The following HMCN2 variants were observed in gnomAD, a reference collection of about 807,000 sequenced individuals.
HMCN2 encodes hemicentin 2.
Under a neutral mutation model 377.5 loss-of-function variants are expected in HMCN2, and 325 were observed. That is an observed-to-expected ratio of 0.86 (90% confidence interval 0.79 to 0.94). The LOEUF (loss-of-function observed/expected upper bound fraction) is 0.94. Among genes scored for constraint, HMCN2 ranks in the 40% least tolerant of loss-of-function variants. The probability of loss-of-function intolerance (pLI) is 0.00; values close to 1 mark genes in which losing one functional copy is unlikely to be tolerated. For synonymous variants in HMCN2, 2,007 were observed against 2,046.8 expected (o/e 0.98, Z 0.53); for missense variants, 4,543 against 4,725.3 (o/e 0.96, Z 1.13).
chr9:130,323,932 C>T (rs1837983896), intron 19 of HMCN2, among the ~76,000 whole-genome samples: 1 of 152,118 alleles, frequency 6.6e-6, no homozygotes, highest in African/African-American at 2.4e-5. Context: ...AAACTCCTGA[C>T]CTCAGGTGAT....
chr9:130,339,688 T>C (rs1838947483), intron 23 of HMCN2, among the ~76,000 whole-genome samples: 2 of 152,220 alleles, frequency 1.3e-5, no homozygotes, highest in African/African-American at 2.4e-5. Context: ...GAAGCTGTTA[T>C]TGTTTTCAGC....
At chr9:130,345,860 C>T (rs1461900725) in intron 25 of HMCN2, among the ~76,000 whole-genome samples, 12 of 151,908 alleles carry the variant, frequency 7.9e-5, no homozygotes, top group African/African-American at 2.2e-4. Flanking sequence ...TTACGGTGGG[C>T]GGTCAGGGTA....
At chr9:130,382,059 T>C in intron 54 of HMCN2, 125 bp from the exon 55 acceptor site, 1 of 228,374 alleles carries the variant, frequency 4.4e-6, no homozygotes, top group Non-Finnish European at 7.3e-6. Flanking sequence ...CCGATTCTCC[T>C]CATTTCACAG....
In HMCN2 at chr9:130,403,858, C is replaced by T. The variant is rs751970961; in HGVS notation, c.12131C>T (p.Thr4044Met). Residue 4044 changes from threonine to methionine, a missense_variant, in exon 80 of 98, where the codon ACG becomes ATG. By Grantham distance (81) the Thr-to-Met change is moderately conservative. Coordinates refer to ENST00000683500, the MANE Select transcript of HMCN2 (RefSeq NM_001291815.2). ...KNSAGSAMGK[T>M]RLVVQVPPVI... ...AGTGCGGGCAGTGCCATGGGGAAGA[C>T]GCGGCTGGTGGTGCAAGGTGGGAGT... 21 of 1,289,306 alleles carry T rather than the reference C, an allele frequency of 1.6e-5. No homozygotes were observed. Among genetic ancestry groups the T allele is most frequent in the Middle Eastern group, 2.1e-4 (1 of 4,712 alleles). The allele number at this position is 1,289,306 out of a possible 1,614,324, so 79.9% of individuals were successfully genotyped here. A position where few individuals can be genotyped will look rare whatever the true frequency, so the allele number is the denominator to read the frequency against.
At chr9:130,384,584 A>G in intron 58 of HMCN2, 50 bp downstream of exon 58, 5 of 1,302,828 alleles carry the variant, frequency 3.8e-6, no homozygotes, top group Non-Finnish European at 5.1e-6. Flanking sequence ...ATGGGGAGAG[A>G]GTTGCTCCCC....
At position 130,358,865 on chromosome 9, in the gene HMCN2, G is replaced by A. The variant is rs552786315; in HGVS notation, c.5677+379G>A. 1.1e-4 allele frequency among the ~76,000 whole-genome samples: 17 copies of A among 152,240 alleles called. No individual in the cohort carries two copies. The East Asian group carries it at 2.5e-3, about 23-fold the overall frequency. On this transcript the variant is annotated intron_variant, in intron 36 of 97. Transcript: ENST00000683500. ...ATTTTTTTGTATTTTTAGTAGCGAC[G>A]GGGTTTCACCGTGTTGGCCAGGATG... is the stretch of plus-strand genomic sequence containing the variant.
chr9:130,380,132 G>A (rs1017148749), intron 54 of HMCN2, among the ~76,000 whole-genome samples: 2 of 152,260 alleles, frequency 1.3e-5, no homozygotes, highest in African/African-American at 4.8e-5. Flanking sequence ...GTCTCGGATC[G>A]GCCTCCCAAC....
intron 4 of HMCN2, among the ~76,000 whole-genome samples, chr9:130,293,002 C>A (rs909095074): frequency 1.1e-5 from 1 of 90,568 alleles, no homozygotes; most frequent in Non-Finnish European, 3.0e-5. Context: ...ATCTATCTAC[C>A]TACCTACCTG....
Position 130,384,425 on chromosome 9 carries a change from C to T in HMCN2, c.8883C>T (p.Asn2961=). Residue 2961 remains asparagine (N), a synonymous_variant, in exon 58 of 98, where the codon AAC becomes AAT. Coordinates refer to ENST00000683500, the MANE Select transcript of HMCN2 (RefSeq NM_001291815.2). ...LDLEQVTAIL[N]SSVSLPCDVH... is the part of the protein sequence containing the mutation. Reference sequence around the variant, plus strand: ...TGGAGCAGGTCACTGCCATCCTCAACAGCAGCGTCTCCCTCCCTTGCGACG... The same window carrying T: ...TGGAGCAGGTCACTGCCATCCTCAATAGCAGCGTCTCCCTCCCTTGCGACG... 1 of 1,303,890 alleles carries T rather than the reference C, an allele frequency of 7.7e-7. No homozygotes were observed. The highest frequency in any genetic ancestry group is 1.0e-6 in the Non-Finnish European group (1 of 988,930). The allele number at this position is 1,303,890 out of a possible 1,614,324, so 80.8% of individuals were successfully genotyped here.
rs756132072 is a variant in HMCN2, at chr9:130,414,266, G to A, written c.12961+3614G>A. On this transcript the variant is annotated intron_variant, in intron 85 of 97. Transcript: ENST00000683500. This position sits in a 1 kb window ranked among gnomAD's most constrained non-coding sequence, Gnocchi z 4.4. The stretch of plus-strand genomic sequence containing the variant: ...TGTGGCCAGGTGGGCAGCGAGGGTA[G>A]TGCCAGCAGAGGCCCGGTGTGGGCG... Among the ~76,000 whole-genome samples, 14 of 152,192 alleles carry A rather than the reference G, an allele frequency of 9.2e-5. No individual in the cohort carries two copies. Among genetic ancestry groups the A allele is most frequent in the African/African-American group, 1.9e-4 (8 of 41,444 alleles).
At chr9:130,273,571 C>T (rs1307999415) in intron 1 of HMCN2, among the ~76,000 whole-genome samples, 8 of 151,956 alleles carry the variant, frequency 5.3e-5, no homozygotes, top group Non-Finnish European at 8.8e-5. Flanking sequence ...AGTCTCAGCT[C>T]ACTGCAACCT....
At position 130,410,619 on chromosome 9, in the gene HMCN2, G is replaced by T. The variant is rs777869087; in HGVS notation, c.12928G>T (p.Val4310Leu). The T allele has an allele frequency of 1.9e-6, 3 of 1,550,502 alleles. No homozygotes were observed. The highest frequency in any genetic ancestry group is 2.6e-6 in the Non-Finnish European group (3 of 1,147,010). ...GTGCCTGGCAGAGAATGAGATGGGC[G>T]TGGCGAAGAAAGTGGTGATCCTCGT... is the stretch of plus-strand genomic sequence containing the variant. ...YQCLAENEMG[V>L]AKKVVILVLQ... Residue 4310 changes from valine (V) to leucine (L), a missense_variant, in exon 85 of 98, where the codon GTG becomes TTG. Val to Leu is a conservative substitution (Grantham distance 32). Transcript: ENST00000683500.
At chr9:130,338,678 G>A (rs1007012799) in intron 23 of HMCN2, 1 of 152,234 alleles carries the variant, frequency 6.6e-6, no homozygotes, top group South Asian at 2.1e-4. Flanking sequence ...CCAGCCAGTG[G>A]GAGTCATACA....
chr9:130,342,578 A>T (rs1839116433), intron 25 of HMCN2, 142 bp downstream of exon 25: 1 of 152,194 alleles, frequency 6.6e-6, no homozygotes, highest in Non-Finnish European at 1.5e-5. Flanking sequence ...CAGGTGGTTC[A>T]TCCCATTGTC....
At chr9:130,272,865 T>A (rs1554921687) in intron 1 of HMCN2, among the ~76,000 whole-genome samples, 1 of 152,248 alleles carries the variant, frequency 6.6e-6, no homozygotes, top group African/African-American at 2.4e-5. Flanking sequence ...GCCGAGCATC[T>A]TCTTTTTATT....
chr9:130,364,283 C>T (rs1343185470), intron 40 of HMCN2, among the ~76,000 whole-genome samples: 1 of 152,244 alleles, frequency 6.6e-6, no homozygotes, highest in African/African-American at 2.4e-5. Flanking sequence ...GGCAGGATTC[C>T]ACCCCATGAG....
At position 130,389,721 on chromosome 9, in the gene HMCN2, C is replaced by T. The variant is rs555995063; in HGVS notation, c.9523+1181C>T. Among the ~76,000 whole-genome samples the T allele has an allele frequency of 4.6e-5, 7 of 151,926 alleles. No homozygotes were observed. The East Asian group carries it at 5.8e-4, about 13-fold the overall frequency. On this transcript the variant is annotated intron_variant, in intron 62 of 97. Coordinates refer to ENST00000683500, the MANE Select transcript of HMCN2 (RefSeq NM_001291815.2). ...TCCCGAGTAGCTGGGATTACAGGCTCGCACCACCACGCCCAGCTAATGTTT... is the reference window on the plus strand; with the variant it reads ...TCCCGAGTAGCTGGGATTACAGGCTTGCACCACCACGCCCAGCTAATGTTT...
intron 4 of HMCN2, among the ~76,000 whole-genome samples, chr9:130,292,018 CTT>C (rs35195661): frequency 1.2e-4 from 17 of 142,592 alleles, no homozygotes; most frequent in Admixed American, 2.1e-4. Flanking sequence ...GTGGCATTCA[CTT>C]TTTTTTTTTT....
At chr9:130,421,271 T>C (rs111657734) in intron 86 of HMCN2, among the ~76,000 whole-genome samples, 13 of 152,198 alleles carry the variant, frequency 8.5e-5, no homozygotes, top group African/African-American at 3.1e-4. Flanking sequence ...AGCAACGTAG[T>C]TTATTTTCCT....
Sources: allele counts gnomAD v4.1 joint callset (sites outside exome capture counted in the v4.1 genomes callset), GRCh38; gene constraint gnomAD v4.1.1; non-coding constraint Gnocchi (gnomAD v3.1); transcripts MANE v1.5; gene names NCBI Gene and HGNC (gene_info 2026-07-23, HGNC 2026-07-21).